DNMBP: variants seen among roughly 807,000 people sequenced by gnomAD.
DNMBP encodes dynamin binding protein, also known as dynamin-binding protein.
In DNMBP, 87 loss-of-function variants were observed where a neutral mutation model predicts 150.0. The ratio of observed to expected loss-of-function variants is 0.58; its 90% CI spans 0.49 to 0.69. The LOEUF is 0.69. Among genes scored for constraint, DNMBP ranks in the 30% least tolerant of loss-of-function variants. The pLI is 0.00. For missense variants in DNMBP, 1,774 were observed against 1,949.0 expected (o/e 0.91, Z 1.69); for synonymous variants, 711 against 750.4 (o/e 0.95, Z 0.86).
intron 1 of DNMBP, among the ~76,000 whole-genome samples, chr10:100,005,783 A>C (rs1463880417): frequency 7.5e-6 from 1 of 133,072 alleles, no homozygotes; most frequent in Non-Finnish European, 1.6e-5. Context: ...AAAAAAAAAA[A>C]ACCAAACTAC....
intron 1 of DNMBP, among the ~76,000 whole-genome samples, chr10:100,001,243 A>T (rs2041008061): frequency 5.3e-5 from 2 of 37,656 alleles, no homozygotes; most frequent in African/African-American, 3.6e-4. Flanking sequence ...TAAAAAAAAA[A>T]AAAAAAAAAA....
intron 7 of DNMBP, among the ~76,000 whole-genome samples, chr10:99,899,193 A>T (rs1188996662): frequency 6.6e-6 from 1 of 151,958 alleles, no homozygotes; most frequent in African/African-American, 2.4e-5. Flanking sequence ...TGTCTCTCCA[A>T]AAAATAAAAA....
intron 1 of DNMBP, among the ~76,000 whole-genome samples, chr10:99,976,086 C>T (rs998138232): frequency 6.6e-6 from 1 of 152,150 alleles, no homozygotes; most frequent in Non-Finnish European, 1.5e-5. Context: ...AACCAGTATG[C>T]TAACAGTGTG....
At chr10:99,978,114 A>C (rs900505927) in intron 1 of DNMBP, among the ~76,000 whole-genome samples, 2 of 152,240 alleles carry the variant, frequency 1.3e-5, no homozygotes, top group African/African-American at 2.4e-5. Context: ...CTCCAAAGCC[A>C]GGGTGCCTGC....
At chr10:100,004,786 T>C (rs530005347) in intron 1 of DNMBP, among the ~76,000 whole-genome samples, 2 of 152,326 alleles carry the variant, frequency 1.3e-5, no homozygotes, top group South Asian at 2.1e-4. Context: ...GATCAAAGGA[T>C]GGCAAAGACA....
chr10:99,924,295 T>C (rs1368013771), intron 4 of DNMBP, among the ~76,000 whole-genome samples: 1 of 150,930 alleles, frequency 6.6e-6, no homozygotes, highest in South Asian at 2.1e-4. Context: ...AAAAAAAAAT[T>C]AGCCAGGCGT....
chr10:99,915,210 T>TACACACAC (rs202144781), intron 4 of DNMBP, among the ~76,000 whole-genome samples: 61 of 117,350 alleles, frequency 5.2e-4, no homozygotes, highest in African/African-American at 1.7e-3. Context: ...TATACATATA[T>TACACACAC]ACATACACAC....
At chr10:99,907,486 T>A (rs941218583) in intron 6 of DNMBP, among the ~76,000 whole-genome samples, 1 of 149,596 alleles carries the variant, frequency 6.7e-6, no homozygotes, top group Non-Finnish European at 1.5e-5. Flanking sequence ...CACTGCAGCC[T>A]CAACCTCCTA....
chr10:99,955,385 T>G lies in DNMBP; in HGVS notation c.2089A>C (p.Arg697=). The change falls in exon 4 of 17, where the codon AGG becomes CGG. Residue 697 remains arginine, a synonymous_variant. Coordinates refer to ENST00000324109, the MANE Select transcript of DNMBP (RefSeq NM_015221.4). ...AAGTCCCGCTCCATTTCCTCAATCCTCACCAGCACTAAGGGGCATGGGGAG... is the reference window on the plus strand; with the variant it reads ...AAGTCCCGCTCCATTTCCTCAATCCGCACCAGCACTAAGGGGCATGGGGAG... ...QTSPCPLVLV[R]IEEMERDLDM... The G allele has an allele frequency of 6.2e-7, 1 of 1,614,166 alleles. No homozygotes were observed. The highest frequency in any genetic ancestry group is 8.5e-7 in the Non-Finnish European group (1 of 1,180,020).
At chr10:99,974,871 T>C (rs1177595460) in intron 1 of DNMBP, among the ~76,000 whole-genome samples, 3 of 152,186 alleles carry the variant, frequency 2.0e-5, no homozygotes, top group Non-Finnish European at 2.9e-5. Context: ...TCAAGCAATC[T>C]TCCCACCTCA....
chr10:99,891,307 C>A (rs1334134681), intron 11 of DNMBP, among the ~76,000 whole-genome samples: 1 of 150,094 alleles, frequency 6.7e-6, no homozygotes, highest in East Asian at 1.9e-4. Context: ...CCTCAGCCTG[C>A]CCAGTGCCTG....
chr10:99,877,336 C>T lies in DNMBP; in HGVS notation c.4549G>A (p.Val1517Ile), dbSNP rs1016005467. 6.2e-7 allele frequency: 1 copy of T among 1,608,270 alleles called. No homozygotes were observed. Among genetic ancestry groups the T allele is most frequent in the African/African-American group, 1.3e-5 (1 of 74,780 alleles). The change falls in exon 17 of 17, where the codon GTC becomes ATC. Residue 1517 changes from valine (V) to isoleucine (I), a missense_variant and splice_region_variant. Val to Ile is a conservative substitution (Grantham distance 29, BLOSUM62 3). Around this residue, in one of 2 missense-constraint regions of DNMBP, gnomAD observed 1,430 missense variants for 1,492.5 expected, o/e 0.96. Transcript: ENST00000324109. Reference protein sequence around the residue: ...PDGSEAEGNQVYFAVYTFKAR... With the variant: ...PDGSEAEGNQIYFAVYTFKAR... Reference sequence around the variant, plus strand: ...TTGAAGGTGTAGACAGCAAAATAGACCTGTGTGAGGGAGAGAGAGAAAATG... The same window carrying T: ...TTGAAGGTGTAGACAGCAAAATAGATCTGTGTGAGGGAGAGAGAGAAAATG...
At chr10:99,929,554 A>T in intron 4 of DNMBP, 1 of 609,398 alleles carries the variant, frequency 1.6e-6, no homozygotes, top group Non-Finnish European at 2.9e-6. Context: ...TGGTATAACT[A>T]CCCTTTAAAT....
At chr10:99,981,759 G>A (rs893829497) in intron 1 of DNMBP, among the ~76,000 whole-genome samples, 1 of 152,156 alleles carries the variant, frequency 6.6e-6, no homozygotes, top group Non-Finnish European at 1.5e-5. Flanking sequence ...CTTTCAGTTG[G>A]GTTCAGCCAA....
At chr10:99,916,082 A>G (rs1008046617) in intron 4 of DNMBP, among the ~76,000 whole-genome samples, 8 of 152,254 alleles carry the variant, frequency 5.3e-5, no homozygotes, top group African/African-American at 1.7e-4. Context: ...GTTTGCCCAC[A>G]ATAAGACTGT....
Position 99,896,252 on chromosome 10 carries a change from G to C in DNMBP, c.3051+15C>G, listed in dbSNP as rs2039650972. 1 of 1,613,476 alleles carries C rather than the reference G, an allele frequency of 6.2e-7. No individual in the cohort carries two copies. Among genetic ancestry groups the C allele is most frequent in the South Asian group, 1.1e-5 (1 of 91,016 alleles). The stretch of plus-strand genomic sequence containing the variant: ...TGTCAAAGATGCGCTAAGCCTTCCA[G>C]GATGGGGATCTCACCTGAGGAGCAA... On this transcript the variant is annotated intron_variant, in intron 10 of 16. Coordinates refer to ENST00000324109, the MANE Select transcript of DNMBP (RefSeq NM_015221.4).
chr10:99,999,909 C>CA (rs2040991662), intron 1 of DNMBP, among the ~76,000 whole-genome samples: 1 of 152,088 alleles, frequency 6.6e-6, no homozygotes, highest in South Asian at 2.1e-4. Context: ...AAGTGTCAGG[C>CA]AGTAGAATAA....
At chr10:99,883,929 C>T in intron 15 of DNMBP, 82 bp downstream of exon 15, 1 of 1,348,706 alleles carries the variant, frequency 7.4e-7, no homozygotes, top group Non-Finnish European at 1.0e-6. Context: ...CTTTTTTTTC[C>T]TGGCCTAGTC....
chr10:99,880,087 C>T lies in DNMBP; in HGVS notation c.4272G>A (p.Pro1424=), dbSNP rs759162194. 2.2e-5 allele frequency: 36 copies of T among 1,614,034 alleles called. No homozygotes were observed. In the East Asian group the frequency reaches 3.3e-4, roughly 15 times the overall value. The change falls in exon 16 of 17, where the codon CCG becomes CCA. Residue 1424 remains proline (P), a synonymous_variant. Transcript: ENST00000324109. ...DQGTLSASLN[P]SNSESSPSRC... is the part of the protein sequence containing the mutation. The stretch of plus-strand genomic sequence containing the variant: ...TGGAAGGACTACTCTCTGAATTACT[C>T]GGATTTAGGGATGCACTGAGAGTTC...
Sources: allele counts gnomAD v4.1 joint callset (sites outside exome capture counted in the v4.1 genomes callset), GRCh38; gene constraint gnomAD v4.1.1; regional missense constraint gnomAD v4.1.1; transcripts MANE v1.5; gene names NCBI Gene and HGNC (gene_info 2026-07-23, HGNC 2026-07-21).